PCDHGB2: variants seen among roughly 807,000 people sequenced by gnomAD.
PCDHGB2 encodes the protein protocadherin gamma subfamily B, 2, also known as protocadherin gamma-B2.
Under a neutral mutation model 59.3 loss-of-function variants are expected in PCDHGB2, and 55 were observed. The ratio of observed to expected loss-of-function variants is 0.93; its 90% CI spans 0.75 to 1.16. PCDHGB2 has a LOEUF of 1.16. PCDHGB2 is among the 50% of genes most tolerant of loss of function. The pLI, the probability that PCDHGB2 is intolerant of heterozygous loss-of-function variation, is 0.00. For missense variants in PCDHGB2, 1,228 were observed against 1,198.5 expected (o/e 1.02, Z -0.36); for synonymous variants, 516 against 512.0 (o/e 1.01, Z -0.11).
chr5:141,488,885 T>C (rs1401230063), intron 1 of PCDHGB2, among the ~76,000 whole-genome samples: 1 of 152,194 alleles, frequency 6.6e-6, no homozygotes, highest in Admixed American at 6.5e-5. Flanking sequence ...GAAGCTTCTG[T>C]GACACAGATT....
intron 1 of PCDHGB2, chr5:141,366,667 C>G (rs267600454): frequency 2.9e-5 from 47 of 1,614,054 alleles, no homozygotes; most frequent in Middle Eastern, 1.6e-4. Context: ...CAGACACGCT[C>G]CTTAGTGAAG....
intron 1 of PCDHGB2, chr5:141,399,270 A>G (rs1318152877): frequency 1.2e-6 from 2 of 1,613,854 alleles, no homozygotes; most frequent in African/African-American, 1.3e-5. Flanking sequence ...TTAATTGTCA[A>G]TTACAAGGCG....
In PCDHGB2 at chr5:141,362,410, C is replaced by T. The variant is rs374650665; in HGVS notation, c.2275C>T (p.Gln759Ter). The stretch of plus-strand genomic sequence containing the variant: ...TTCCTACAACCTGTGTGTTGCCTCA[C>T]AATCAGCCAAGACAGAGTTCAATTT... ...PYSYNLCVAS[Q>*]SAKTEFNFLN... Residue 759 changes from glutamine to a stop codon, truncating the protein, a stop_gained, in exon 1 of 4, where the codon CAA (glutamine) becomes TAA (stop). Coordinates refer to ENST00000522605, the MANE Select transcript of PCDHGB2 (RefSeq NM_018923.3). LOFTEE classifies it high-confidence loss of function. 2.5e-6 allele frequency: 4 copies of T among 1,613,916 alleles called. No individual in the cohort carries two copies. The African/African-American group carries it at 5.3e-5, about 22-fold the overall frequency.
chr5:141,399,561 G>A, intron 1 of PCDHGB2: 2 of 1,614,042 alleles, frequency 1.2e-6, no homozygotes, highest in Non-Finnish European at 1.7e-6. Flanking sequence ...TGGACTTGGG[G>A]TTGAACGGCC....
intron 1 of PCDHGB2, chr5:141,416,335 C>A (rs573998059): frequency 6.6e-6 from 1 of 152,256 alleles, no homozygotes; most frequent in Non-Finnish European, 1.5e-5. Flanking sequence ...ACTTTCATTG[C>A]TCAATAGGGA....
At chr5:141,364,856 C>T (rs748996283) in intron 1 of PCDHGB2, 1 of 1,614,006 alleles carries the variant, frequency 6.2e-7, no homozygotes, top group South Asian at 1.1e-5. Context: ...CAGCTCCAAT[C>T]TGCACTTCTC....
intron 3 of PCDHGB2, among the ~76,000 whole-genome samples, chr5:141,506,429 A>G (rs1406730781): frequency 7.0e-6 from 1 of 143,144 alleles, no homozygotes; most frequent in Non-Finnish European, 1.5e-5. Flanking sequence ...CCTGGGCAAC[A>G]GTCTCGCTCT....
At chr5:141,371,158 T>C in intron 1 of PCDHGB2, 1 of 1,614,040 alleles carries the variant, frequency 6.2e-7, no homozygotes, top group Non-Finnish European at 8.5e-7. Context: ...GCAGAGAACC[T>C]GCCCGCTGGC....
Position 141,361,227 on chromosome 5 carries a change from A to G in PCDHGB2, c.1092A>G (p.Thr364=). 1.2e-6 allele frequency: 2 copies of G among 1,614,022 alleles called. No homozygotes were observed. Among genetic ancestry groups the G allele is most frequent in the South Asian group, 2.2e-5 (2 of 91,082 alleles). ...TACCGGAGGATTCGCCACCAGGAACAGTGATCGCCTTGATAAAAACGAGAG... is the reference window on the plus strand; with the variant it reads ...TACCGGAGGATTCGCCACCAGGAACGGTGATCGCCTTGATAAAAACGAGAG... ...TPLPEDSPPG[T]VIALIKTRDR... is the part of the protein sequence containing the mutation. Residue 364 remains threonine, a synonymous_variant, in exon 1 of 4, where the codon ACA becomes ACG. Coordinates refer to ENST00000522605, the MANE Select transcript of PCDHGB2 (RefSeq NM_018923.3).
chr5:141,394,941 G>C lies in PCDHGB2; in HGVS notation c.2421+32385G>C, dbSNP rs1238884149. The C allele has an allele frequency of 3.1e-6, 5 of 1,613,748 alleles. No individual in the cohort carries two copies. The East Asian group carries it at 1.1e-4, about 36-fold the overall frequency. On this transcript the variant is annotated intron_variant, in intron 1 of 3. Coordinates refer to ENST00000522605, the MANE Select transcript of PCDHGB2 (RefSeq NM_018923.3). Reference sequence around the variant, plus strand: ...CTGTGTCTTCCTCGCCTTTGTCGCTGTGCTTCTGGGGCTCAGGCTGAGGCG... The same window carrying C: ...CTGTGTCTTCCTCGCCTTTGTCGCTCTGCTTCTGGGGCTCAGGCTGAGGCG...
At chr5:141,464,400 G>GAGATATATATATATCTATATATAT (rs2099082782) in intron 1 of PCDHGB2, among the ~76,000 whole-genome samples, 3 of 151,366 alleles carry the variant, frequency 2.0e-5, no homozygotes, top group African/African-American at 4.9e-5. Context: ...TGAAGAACCT[G>GAGATATATATATATCTATATATAT]AGATATATAT....
intron 1 of PCDHGB2, chr5:141,408,050 G>A: frequency 1.6e-6 from 2 of 1,259,544 alleles, no homozygotes; most frequent in Middle Eastern, 2.8e-4. Flanking sequence ...CCCACACAGA[G>A]CCTCCCGGCT....
Position 141,487,673 on chromosome 5 carries a change from C to T in PCDHGB2, c.2422-7134C>T. On this transcript the variant is annotated intron_variant, in intron 1 of 3. Transcript: ENST00000522605. The surrounding 1 kb of genome is among the most constrained non-coding windows in gnomAD (Gnocchi z 5.0). Reference sequence around the variant, plus strand: ...GGGTTATTCTGATCCAGGCATATGGCTAGGCCATGTCCTAGAGAGTACTGG... The same window carrying T: ...GGGTTATTCTGATCCAGGCATATGGTTAGGCCATGTCCTAGAGAGTACTGG... 6.2e-7 allele frequency: 1 copy of T among 1,611,456 alleles called. No homozygotes were observed. Among genetic ancestry groups the T allele is most frequent in the East Asian group, 2.2e-5 (1 of 44,852 alleles).
chr5:141,415,452 C>T, intron 1 of PCDHGB2: 1 of 1,614,240 alleles, frequency 6.2e-7, no homozygotes, highest in South Asian at 1.1e-5. Flanking sequence ...CCTATTCCCA[C>T]GAGGTCTCTC....
rs112808093 is a variant in PCDHGB2, at chr5:141,489,579, C to T, written c.2422-5228C>T. On this transcript the variant is annotated intron_variant, in intron 1 of 3. Transcript: ENST00000522605. The surrounding 1 kb of genome is among the most constrained non-coding windows in gnomAD (Gnocchi z 4.5). ...CAGTGCAGGTGGTGACTGAACACCC[C>T]CTGGAGCTAATCCGTGTAGAGGTAG... is the stretch of plus-strand genomic sequence containing the variant. 211 of 1,614,038 alleles carry T rather than the reference C, an allele frequency of 1.3e-4. 1 individual carries two copies. In the African/African-American group the frequency reaches 1.7e-3, roughly 13 times the overall value.
Position 141,418,471 on chromosome 5 carries a change from G to T in PCDHGB2, c.2421+55915G>T, listed in dbSNP as rs199547102. 57 of 1,614,002 alleles carry T rather than the reference G, an allele frequency of 3.5e-5. No homozygotes were observed. In the African/African-American group the frequency reaches 5.7e-4, roughly 16 times the overall value. ...TGCAGAAGACTCTGGACCGAGAAACGCAGAGCGCTCACCACTTGGTACTGA... is the reference window on the plus strand; with the variant it reads ...TGCAGAAGACTCTGGACCGAGAAACTCAGAGCGCTCACCACTTGGTACTGA... On this transcript the variant is annotated intron_variant, in intron 1 of 3. Coordinates refer to ENST00000522605, the MANE Select transcript of PCDHGB2 (RefSeq NM_018923.3).
At position 141,431,574 on chromosome 5, in the gene PCDHGB2, G is replaced by T. The variant is rs1476143491; in HGVS notation, c.2422-63233G>T. The T allele has an allele frequency of 6.2e-7, 1 of 1,614,196 alleles. No homozygotes were observed. Among genetic ancestry groups the T allele is most frequent in the Admixed American group, 1.7e-5 (1 of 60,034 alleles). On this transcript the variant is annotated intron_variant, in intron 1 of 3. Transcript: ENST00000522605. This position sits in a 1 kb window ranked among gnomAD's most constrained non-coding sequence, Gnocchi z 4.8. The stretch of plus-strand genomic sequence containing the variant: ...GTCAACGCTACCGACCCTGACGAAG[G>T]AGTCAATGCGGAAGTGAGGTATTCC...
intron 1 of PCDHGB2, among the ~76,000 whole-genome samples, chr5:141,470,417 T>A (rs1482173610): frequency 6.6e-6 from 1 of 152,226 alleles, no homozygotes; most frequent in East Asian, 1.9e-4. Context: ...ATTTTATGTA[T>A]TTTTTCCTTG....
rs761227475 is a variant in PCDHGB2 at position 141,489,382 on chromosome 5, G to A, written c.2422-5425G>A. 4 of 1,613,872 alleles carry A rather than the reference G, an allele frequency of 2.5e-6. No homozygotes were observed. The highest frequency in any genetic ancestry group is 1.7e-5 in the Admixed American group (1 of 60,006). On this transcript the variant is annotated intron_variant, in intron 1 of 3. Coordinates refer to ENST00000522605, the MANE Select transcript of PCDHGB2 (RefSeq NM_018923.3). The surrounding 1 kb of genome is among the most constrained non-coding windows in gnomAD (Gnocchi z 4.5). ...TGAGCCGGGGACGCTGGTGGGGAATGTTGCTCAGGATCTGGGCTTAAAGAT... is the reference window on the plus strand; with the variant it reads ...TGAGCCGGGGACGCTGGTGGGGAATATTGCTCAGGATCTGGGCTTAAAGAT...
Sources: gnomAD v4.1 joint callset for allele counts (sites outside exome capture counted in the v4.1 genomes callset) on GRCh38, gnomAD v4.1.1 for gene constraint, Gnocchi (gnomAD v3.1) non-coding constraint, MANE v1.5 for transcripts, NCBI Gene and HGNC (gene_info 2026-07-23, HGNC 2026-07-21) for gene names.